SOAT2: variants seen among roughly 807,000 people sequenced by gnomAD.
SOAT2 encodes sterol O-acyltransferase 2.
In SOAT2, 87 loss-of-function variants were observed where a neutral mutation model predicts 76.0. The observed-to-expected ratio is 1.14, with a 90% confidence interval of 0.96 to 1.37. The LOEUF (loss-of-function observed/expected upper bound fraction) is 1.37, where lower values mean the gene tolerates loss of function less well. SOAT2 is among the 40% of genes most tolerant of loss of function. SOAT2 has a pLI of 0.00. For synonymous variants in SOAT2, 285 were observed against 275.4 expected, an observed-to-expected ratio of 1.03 and a Z score of -0.34; for missense variants, 686 against 682.1, an observed-to-expected ratio of 1.01 and a Z score of -0.06.
intron 7 of SOAT2, among the ~76,000 whole-genome samples, 179 bp downstream of exon 7, chr12:53,116,345 G>T (rs1036157987): frequency 6.6e-6 from 1 of 152,212 alleles, no homozygotes; most frequent in Non-Finnish European, 1.5e-5. Context: ...CTCAGCCCCT[G>T]CCTCTGACAG....
intron 1 of SOAT2, 99 bp downstream of exon 1, chr12:53,103,758 C>A (rs1937878769): frequency 9.8e-7 from 1 of 1,023,830 alleles, no homozygotes; most frequent in Non-Finnish European, 1.4e-6. Flanking sequence ...GATGCCAATC[C>A]TTCCTGCTGT....
intron 5 of SOAT2, among the ~76,000 whole-genome samples, chr12:53,113,704 C>T (rs1339232879): frequency 2.6e-5 from 4 of 152,202 alleles, no homozygotes; most frequent in Non-Finnish European, 5.9e-5. Context: ...TTTTCCAGAG[C>T]TTATATACCT....
In SOAT2 at chr12:53,105,605, GC is replaced by G; in HGVS notation, c.321del (p.Lys108SerfsTer7). ...SLGKQKVFIIRKSLLDELMEV... is the reference protein window; with the variant it reads ...SLGKQKVFIIXKSLLDELMEV... ...GGGAAACAGAAAGTTTTCATCATCC[GC>G]AAGTCCCTGCTTGAGTAAGTCGGGG... On this transcript the variant is annotated frameshift_variant, in exon 4 of 15. Transcript: ENST00000301466. LOFTEE classifies it high-confidence loss of function. 1 of 1,610,222 alleles carries G rather than the reference GC, an allele frequency of 6.2e-7. No homozygotes were observed. The highest frequency in any genetic ancestry group is 8.5e-7 in the Non-Finnish European group (1 of 1,177,814).
In SOAT2 at chr12:53,115,452, C is replaced by T. The variant is rs771953153; in HGVS notation, c.506C>T (p.Thr169Ile). The change falls in exon 6 of 15, where the codon ACC (threonine) becomes ATC (isoleucine). Residue 169 changes from threonine to isoleucine, a missense_variant. Thr to Ile is a moderately conservative substitution (Grantham distance 89). Transcript: ENST00000301466. ...GGACAGCTGCCATTGGCGCTGGTGACCTGGGTGCCCATGTTTCTGTCCACC... is the reference window on the plus strand; with the variant it reads ...GGACAGCTGCCATTGGCGCTGGTGATCTGGGTGCCCATGTTTCTGTCCACC... ...SFGQLPLALV[T>I]WVPMFLSTLL... is the part of the protein sequence containing the mutation. The T allele has an allele frequency of 2.5e-6, 4 of 1,612,670 alleles. No individual in the cohort carries two copies. In the South Asian group the frequency reaches 4.4e-5, roughly 18 times the overall value.
chr12:53,103,698 G>C (rs369679708), intron 1 of SOAT2, 39 bp downstream of exon 1: 102 of 1,426,134 alleles, frequency 7.2e-5, no homozygotes, highest in South Asian at 2.3e-4. Flanking sequence ...ACAGGCAAGT[G>C]GGGGGGAGGC....
intron 5 of SOAT2, among the ~76,000 whole-genome samples, chr12:53,111,187 G>C (rs1304507880): frequency 6.6e-6 from 1 of 150,666 alleles, no homozygotes; most frequent in Non-Finnish European, 1.5e-5. Context: ...CTCACTGCAA[G>C]CTCCGCCTCC....
In SOAT2 at chr12:53,105,609, G is replaced by C; in HGVS notation, c.324G>C (p.Lys108Asn). The C allele has an allele frequency of 6.2e-7, 1 of 1,610,548 alleles. No homozygotes were observed. Among genetic ancestry groups the C allele is most frequent in the Non-Finnish European group, 8.5e-7 (1 of 1,177,986 alleles). The change falls in exon 4 of 15, where the codon AAG becomes AAC. Residue 108 changes from lysine (K) to asparagine (N), a missense_variant. Coordinates refer to ENST00000301466, the MANE Select transcript of SOAT2 (RefSeq NM_003578.4). ...AACAGAAAGTTTTCATCATCCGCAAGTCCCTGCTTGAGTAAGTCGGGGTGA... is the reference window on the plus strand; with the variant it reads ...AACAGAAAGTTTTCATCATCCGCAACTCCCTGCTTGAGTAAGTCGGGGTGA... Reference protein sequence around the residue: ...LGKQKVFIIRKSLLDELMEVQ... With the variant: ...LGKQKVFIIRNSLLDELMEVQ...
At chr12:53,120,907 T>A (rs1430704700) in intron 11 of SOAT2, 24 bp downstream of exon 11, 11 of 1,578,622 alleles carry the variant, frequency 7.0e-6, no homozygotes, top group Non-Finnish European at 9.6e-6. Flanking sequence ...CTAGGCCAGT[T>A]GGAAGCTGGA....
At position 53,121,418 on chromosome 12, in the gene SOAT2, C is replaced by G. The variant is rs754927287; in HGVS notation, c.1236+17C>G. 2.5e-6 allele frequency: 4 copies of G among 1,594,006 alleles called. No homozygotes were observed. The African/African-American group carries it at 5.4e-5, about 21-fold the overall frequency. ...GGGCTGCGGGTATGGGCCCTGCAGACCCCTTCAGCTCTCACAGTTAATAGG... is the reference window on the plus strand; with the variant it reads ...GGGCTGCGGGTATGGGCCCTGCAGAGCCCTTCAGCTCTCACAGTTAATAGG... On this transcript the variant is annotated intron_variant, in intron 12 of 14. Coordinates refer to ENST00000301466, the MANE Select transcript of SOAT2 (RefSeq NM_003578.4).
chr12:53,123,106 T>C lies in SOAT2; in HGVS notation c.1262T>C (p.Val421Ala), dbSNP rs752202233. 60 of 1,613,352 alleles carry C rather than the reference T, an allele frequency of 3.7e-5. No homozygotes were observed. Among genetic ancestry groups the C allele is most frequent in the East Asian group, 6.7e-5 (3 of 44,836 alleles). Residue 421 changes from valine to alanine, a missense_variant, in exon 13 of 15, where the codon GTA becomes GCA. Physicochemically the swap from Val to Ala is moderately conservative, Grantham distance 64. Coordinates refer to ENST00000301466, the MANE Select transcript of SOAT2 (RefSeq NM_003578.4). Reference sequence around the variant, plus strand: ...CTCCTTGGTGCCCGGGCCCGAGGGGTAGCCATGCTGGGTGTGTTCCTGGTC... The same window carrying C: ...CTCCTTGGTGCCCGGGCCCGAGGGGCAGCCATGCTGGGTGTGTTCCTGGTC... ...LRLLGARARG[V>A]AMLGVFLVSA...
intron 11 of SOAT2, 70 bp from the exon 12 acceptor site, chr12:53,121,233 C>A: frequency 9.3e-7 from 1 of 1,075,932 alleles, no homozygotes; most frequent in Non-Finnish European, 1.4e-6. Flanking sequence ...GCAGAGGGAG[C>A]AGTGGGGAGG....
intron 12 of SOAT2, among the ~76,000 whole-genome samples, chr12:53,122,640 G>A (rs1179303314): frequency 6.6e-6 from 1 of 151,894 alleles, no homozygotes; most frequent in Non-Finnish European, 1.5e-5. Flanking sequence ...AGAGAGCACA[G>A]GGTTGGGGGT....
At position 53,115,575 on chromosome 12, in the gene SOAT2, T is replaced by C. The variant is rs758576193; in HGVS notation, c.629T>C (p.Val210Ala). Reference protein sequence around the residue: ...GCALLAAHAVVLCALPVHVAV... With the variant: ...GCALLAAHAVALCALPVHVAV... Reference sequence around the variant, plus strand: ...GCGCTGCTAGCCGCCCACGCCGTGGTGCTCTGCGCGCTGCCGGTCCACGTG... The same window carrying C: ...GCGCTGCTAGCCGCCCACGCCGTGGCGCTCTGCGCGCTGCCGGTCCACGTG... The change falls in exon 6 of 15, where the codon GTG becomes GCG. Residue 210 changes from valine to alanine, a missense_variant. Coordinates refer to ENST00000301466, the MANE Select transcript of SOAT2 (RefSeq NM_003578.4). The C allele has an allele frequency of 3.8e-6, 6 of 1,586,064 alleles. No individual in the cohort carries two copies. The highest frequency in any genetic ancestry group is 1.1e-5 in the South Asian group (1 of 89,902).
At chr12:53,114,191 A>C (rs1217355498) in intron 5 of SOAT2, among the ~76,000 whole-genome samples, 1 of 152,188 alleles carries the variant, frequency 6.6e-6, no homozygotes, top group Non-Finnish European at 1.5e-5. Context: ...GCAATGAAAA[A>C]AACAGCTCCA....
chr12:53,111,726 A>T (rs11542460), intron 5 of SOAT2, among the ~76,000 whole-genome samples: 4 of 152,096 alleles, frequency 2.6e-5, no homozygotes, highest in African/African-American at 7.2e-5. Flanking sequence ...GCAACTCTTA[A>T]GACATTTCTA....
At chr12:53,111,111 C>CCTTTTTTT (rs1565626647) in intron 5 of SOAT2, among the ~76,000 whole-genome samples, 1 of 131,036 alleles carries the variant, frequency 7.6e-6, no homozygotes, top group African/African-American at 3.3e-5. Flanking sequence ...CATTTGCCTA[C>CCTTTTTTT]ATTTTTTTTT....
intron 2 of SOAT2, among the ~76,000 whole-genome samples, chr12:53,104,487 TG>T (rs1281131651): frequency 6.6e-6 from 1 of 151,930 alleles, no homozygotes; most frequent in African/African-American, 2.4e-5. Flanking sequence ...TTGGCCAGGC[TG>T]GTCTTGAACT....
In SOAT2 at chr12:53,103,571, C is replaced by T; in HGVS notation, c.-7C>T. 6.5e-7 allele frequency: 1 copy of T among 1,545,660 alleles called. No individual in the cohort carries two copies. The highest frequency in any genetic ancestry group is 8.7e-7 in the Non-Finnish European group (1 of 1,146,832). The stretch of plus-strand genomic sequence containing the variant: ...AGGGCTGCCTGCTGCCCGCTGGAGA[C>T]CGCACCATGGAGCCAGGCGGGGCCC... On this transcript the variant is annotated 5_prime_UTR_variant, in exon 1 of 15. Transcript: ENST00000301466.
At chr12:53,122,294 T>G (rs1938202591) in intron 12 of SOAT2, among the ~76,000 whole-genome samples, 1 of 151,150 alleles carries the variant, frequency 6.6e-6, no homozygotes, top group Non-Finnish European at 1.5e-5. Context: ...AGAAATACTT[T>G]CATCTGACAC....
Sources: gnomAD v4.1 joint callset for allele counts (sites outside exome capture counted in the v4.1 genomes callset) on GRCh38, gnomAD v4.1.1 for gene constraint, MANE v1.5 for transcripts, NCBI Gene and HGNC (gene_info 2026-07-23, HGNC 2026-07-21) for gene names.